Variants in MED24 observed in about 807,000 individuals in gnomAD.
MED24 encodes the protein mediator of RNA polymerase II transcription subunit 24.
Under a neutral mutation model 118.8 loss-of-function variants are expected in MED24, and 74 were observed. That is an observed-to-expected ratio of 0.62 (90% CI 0.52 to 0.76). MED24 has a LOEUF of 0.76. Ranked by LOEUF, MED24 falls within the 30% of genes least tolerant of loss-of-function variation. The probability of loss-of-function intolerance (pLI) is 0.00; values close to 1 mark genes in which losing one functional copy is unlikely to be tolerated. For missense variants in MED24, 1,041 were observed against 1,278.9 expected, an observed-to-expected ratio of 0.81 and a Z score of 2.84; for synonymous variants, 521 against 523.9, an observed-to-expected ratio of 0.99 and a Z score of 0.08.
chr17:40,053,285 G>T lies in MED24; in HGVS notation c.213+13C>A. On this transcript the variant is annotated intron_variant, in intron 3 of 25. Transcript: ENST00000394128. ...AACTCTCACTTCTTGGTGGGGGTTT[G>T]CGGGAAGCTTACCTGGGAACTAATG... 6.3e-7 allele frequency: 1 copy of T among 1,590,328 alleles called. No individual in the cohort carries two copies. Among genetic ancestry groups the T allele is most frequent in the South Asian group, 1.1e-5 (1 of 87,808 alleles).
At position 40,030,003 on chromosome 17, in the gene MED24, A is replaced by G. The variant is rs2144897632; in HGVS notation, c.1155-144T>C. 2.9e-5 allele frequency: 19 copies of G among 664,718 alleles called. No individual in the cohort carries two copies. In the South Asian group the frequency reaches 3.5e-4, roughly 12 times the overall value. The allele number at this position is 664,718 out of a possible 1,614,324, so 41.2% of individuals were successfully genotyped here. On this transcript the variant is annotated intron_variant, in intron 12 of 25. Transcript: ENST00000394128. ...TCCGAGGTTGGGGTGAAGTTTATGG[A>G]AGCATAGTCAATGTTGCAATCACTG... is the stretch of plus-strand genomic sequence containing the variant.
intron 3 of MED24, among the ~76,000 whole-genome samples, chr17:40,043,890 C>CAAAAAAAAAAAAAAAAAACAAAAAAA (rs35743512): frequency 1.0e-5 from 1 of 97,446 alleles, no homozygotes; most frequent in Non-Finnish European, 2.2e-5. Flanking sequence ...GACTCCATCT[C>CAAAAAAAAAAAAAAAAAACAAAAAAA]AAAAAAAAAA....
Position 40,032,744 on chromosome 17 carries a change from A to T in MED24, c.841T>A (p.Phe281Ile). The T allele has an allele frequency of 6.2e-7, 1 of 1,613,780 alleles. No individual in the cohort carries two copies. The highest frequency in any genetic ancestry group is 8.5e-7 in the Non-Finnish European group (1 of 1,179,958). The change falls in exon 9 of 26, where the codon TTT (phenylalanine) becomes ATT (isoleucine). Residue 281 changes from phenylalanine (F) to isoleucine (I), a missense_variant. Around this residue, in one of 3 missense-constraint regions of MED24, gnomAD observed 434 missense variants for 514.9 expected, o/e 0.84. Transcript: ENST00000394128. ...CAAGCTTTCCAGATCTCCAGGACAA[A>T]AAGTGGGGTGGGGATATGCTGTGGG... The part of the protein sequence containing the change: ...KRMQHIPTPL[F>I]VLEIWKACFV...
At chr17:40,035,441 A>C in intron 5 of MED24, 92 bp from the exon 6 acceptor site, 2 of 1,292,666 alleles carry the variant, frequency 1.5e-6, no homozygotes, top group Non-Finnish European at 2.1e-6. Context: ...GCACTCCCCT[A>C]CTAGGGACTA....
At chr17:40,034,850 A>AGGGGGGGGGGGGGGGGGGGGGGGGGG in intron 6 of MED24, 2 of 379,390 alleles carry the variant, frequency 5.3e-6, no homozygotes, top group East Asian at 7.0e-5. Context: ...CTCCTTTGGT[A>AGGGGGGGGGGGGGGGGGGGGGGGGGG]GCCCCCCACC....
At position 40,022,826 on chromosome 17, in the gene MED24, C is replaced by T. The variant is rs1166988302; in HGVS notation, c.2251G>A (p.Glu751Lys). ...TCCTTCCGCGTCTCCTTCAGCAGCT[C>T]CTAGTGCGCAGGAAAGGGGGCAGTT... is the stretch of plus-strand genomic sequence containing the variant. ...VYWFCNNLIK[E>K]LLKETRKEHT... Residue 751 changes from glutamate to lysine, a missense_variant and splice_region_variant, in exon 21 of 26, where the codon GAG (glutamate) becomes AAG (lysine). Transcript: ENST00000394128. 1.2e-6 allele frequency: 2 copies of T among 1,612,932 alleles called. No homozygotes were observed. The highest frequency in any genetic ancestry group is 1.7e-6 in the Non-Finnish European group (2 of 1,179,880).
Position 40,035,785 on chromosome 17 carries a change from A to C in MED24, c.263T>G (p.Phe88Cys). 1 of 1,613,960 alleles carries C rather than the reference A, an allele frequency of 6.2e-7. No individual in the cohort carries two copies. The highest frequency in any genetic ancestry group is 8.5e-7 in the Non-Finnish European group (1 of 1,179,922). ...TGCCTGGACACACAGGTCCCGAGAA[A>C]AGTCATCAAACTGTGGAAAGGACAG... ...VLTAISKFDD[F>C]SRDLCVQALL... The change falls in exon 5 of 26, where the codon TTT becomes TGT. Residue 88 changes from phenylalanine (F) to cysteine (C), a missense_variant. This residue lies in a region of MED24 where 434 missense variants were observed against 514.9 expected (regional missense o/e 0.84). Transcript: ENST00000394128.
intron 3 of MED24, among the ~76,000 whole-genome samples, chr17:40,036,861 C>A (rs1261616447): frequency 6.6e-6 from 1 of 152,124 alleles, no homozygotes; most frequent in Non-Finnish European, 1.5e-5. Flanking sequence ...CAAACATTTC[C>A]TGCACTGAGC....
chr17:40,028,103 TTTTG>T, intron 14 of MED24, 157 bp from the exon 15 acceptor site: 2 of 748,668 alleles, frequency 2.7e-6, no homozygotes, highest in South Asian at 3.5e-5. Context: ...TTTTTGTGGT[TTTTG>T]TTTTTTGTTT....
chr17:40,028,112 T>TTG (rs1982928256), intron 14 of MED24, 166 bp from the exon 15 acceptor site: 1 of 730,120 alleles, frequency 1.4e-6, no homozygotes, highest in African/African-American at 1.8e-5. Context: ...TTTTTGTTTT[T>TTG]TGTTTTTTTT....
At chr17:40,029,702 A>C (rs768308301) in intron 13 of MED24, 46 bp downstream of exon 13, 3 of 1,553,182 alleles carry the variant, frequency 1.9e-6, no homozygotes, top group South Asian at 1.1e-5. Flanking sequence ...GGAGCACTGG[A>C]AAGAAGAAAG....
intron 1 of MED24, chr17:40,053,913 C>T (rs1394767895): frequency 1.1e-5 from 6 of 566,378 alleles, no homozygotes; most frequent in Admixed American, 3.1e-5. Context: ...GGCGAATCAC[C>T]GGAGGTCAGG....
At position 40,029,807 on chromosome 17, in the gene MED24, T is replaced by G; in HGVS notation, c.1207A>C (p.Ile403Leu). 1 of 1,614,126 alleles carries G rather than the reference T, an allele frequency of 6.2e-7. No individual in the cohort carries two copies. The highest frequency in any genetic ancestry group is 1.1e-5 in the South Asian group (1 of 91,088). ...PQQKSGENAN[I>L]QPNIQLILRA... ...AGGATCAGCTGGATGTTGGGCTGGA[T>G]GTTGGCATTCTCTCCCGATTTCTGC... Residue 403 changes from isoleucine (I) to leucine (L), a missense_variant, in exon 13 of 26, where the codon ATC (isoleucine) becomes CTC (leucine). Coordinates refer to ENST00000394128, the MANE Select transcript of MED24 (RefSeq NM_014815.4).
intron 3 of MED24, among the ~76,000 whole-genome samples, chr17:40,037,473 T>C (rs1378003042): frequency 6.6e-6 from 1 of 152,062 alleles, no homozygotes; most frequent in East Asian, 1.9e-4. Flanking sequence ...TTTTACTCAG[T>C]GACCACCACA....
In MED24 at chr17:40,019,358, G is replaced by A. The variant is rs887835448; in HGVS notation, c.*171C>T. ...AGGAAATTTTGAAAGAAGAAACCGG[G>A]AGACATCCTGGAGGTCAGGAGTCAG... On this transcript the variant is annotated 3_prime_UTR_variant, in exon 26 of 26. Coordinates refer to ENST00000394128, the MANE Select transcript of MED24 (RefSeq NM_014815.4). 1.3e-5 allele frequency: 8 copies of A among 623,338 alleles called. No homozygotes were observed. The highest frequency in any genetic ancestry group is 4.5e-4 in the Middle Eastern group (1 of 2,234). The allele number at this position is 623,338 out of a possible 1,614,324, so 38.6% of individuals were successfully genotyped here.
rs35743512 is a variant in MED24, at chr17:40,043,890, C to CAAAAAAAAAAAAAAACAAAAAAA, written c.214-7737_214-7736insTTTTTTTGTTTTTTTTTTTTTTT. 1.4e-4 allele frequency among the ~76,000 whole-genome samples: 14 copies of CAAAAAAAAAAAAAAACAAAAAAA among 97,444 alleles called. 1 individual carries two copies. Among genetic ancestry groups the CAAAAAAAAAAAAAAACAAAAAAA allele is most frequent in the African/African-American group, 2.6e-4 (7 of 27,096 alleles). 63.9% of individuals were successfully genotyped at this position (97,444 alleles called of 152,430 possible). On this transcript the variant is annotated intron_variant, in intron 3 of 25. Transcript: ENST00000394128. Reference sequence around the variant, plus strand: ...TGGGCAGAAGAGCGAGACTCCATCTCAAAAAAAAAAAAAACAAAGATTTAA... The same window carrying CAAAAAAAAAAAAAAACAAAAAAA: ...TGGGCAGAAGAGCGAGACTCCATCTCAAAAAAAAAAAAAAACAAAAAAAAAAAAAAAAAAAAACAAAGATTTAA...
chr17:40,027,012 G>A lies in MED24; in HGVS notation c.1553C>T (p.Thr518Ile). 1 of 1,614,132 alleles carries A rather than the reference G, an allele frequency of 6.2e-7. No individual in the cohort carries two copies. The highest frequency in any genetic ancestry group is 8.5e-7 in the Non-Finnish European group (1 of 1,180,022). ...CTCGAAGAAGGGCACCTCAGCTCCT[G>A]TGCGCGACTCGGACAGAATCACCTG... is the stretch of plus-strand genomic sequence containing the variant. ...GSEVILSESR[T>I]GAEVPFFETW... Residue 518 changes from threonine (T) to isoleucine (I), a missense_variant, in exon 17 of 26, where the codon ACA becomes ATA. By Grantham distance (89) the Thr-to-Ile change is moderately conservative. This residue lies in a region of MED24 where 587 missense variants were observed against 694.4 expected (regional missense o/e 0.85). Transcript: ENST00000394128.
chr17:40,023,504 T>TCCCTGAGGCATTAA (rs35570623), intron 19 of MED24, 109 bp from the exon 20 acceptor site: 1 of 1,148,690 alleles, frequency 8.7e-7, no homozygotes, highest in East Asian at 2.4e-5. Context: ...TACGGAAATC[T>TCCCTGAGGCATTAA]CCCTGAGGCA....
In MED24 at chr17:40,039,919, G is replaced by A. The variant is rs535014917; in HGVS notation, c.214-3765C>T. On this transcript the variant is annotated intron_variant, in intron 3 of 25. Coordinates refer to ENST00000394128, the MANE Select transcript of MED24 (RefSeq NM_014815.4). ...CTGCCTCAGCCTCCCGAGTAGCTGG[G>A]ACTACAGGCACCCACCACCACGCCC... Among the ~76,000 whole-genome samples the A allele has an allele frequency of 1.6e-3, 244 of 151,782 alleles. 1 individual carries two copies. The highest frequency in any genetic ancestry group is 5.7e-3 in the African/African-American group (236 of 41,332).
Sources: gnomAD v4.1 joint callset for allele counts (sites outside exome capture counted in the v4.1 genomes callset) on GRCh38, gnomAD v4.1.1 for gene constraint, gnomAD v4.1.1 regional missense constraint, MANE v1.5 for transcripts, NCBI Gene and HGNC (gene_info 2026-07-23, HGNC 2026-07-21) for gene names.